The following RBFOX2 variants were observed in gnomAD, a reference collection of about 807,000 sequenced individuals.
RBFOX2 encodes RNA binding fox-1 homolog 2, also known as RNA binding protein fox-1 homolog 2.
In RBFOX2, 10 loss-of-function variants were observed where a neutral mutation model predicts 49.1. The observed-to-expected ratio is 0.20, with a 90% CI of 0.13 to 0.35. The LOEUF (loss-of-function observed/expected upper bound fraction) is 0.35. Ranked by LOEUF, RBFOX2 falls within the 10% of genes least tolerant of loss-of-function variation. The probability of loss-of-function intolerance (pLI) is 1.00; values close to 1 mark genes in which losing one functional copy is unlikely to be tolerated. For synonymous variants in RBFOX2, 183 were observed against 187.4 expected (o/e 0.98, Z 0.19); for missense variants, 323 against 486.9 (o/e 0.66, Z 3.17).
chr22:35,881,570 A>C (rs2045900801), intron 1 of RBFOX2, among the ~76,000 whole-genome samples: 1 of 151,224 alleles, frequency 6.6e-6, no homozygotes, highest in Non-Finnish European at 1.5e-5. Context: ...CAACAGAATG[A>C]GACTCTGTCT....
intron 1 of RBFOX2, among the ~76,000 whole-genome samples, chr22:35,837,278 T>A (rs2148789318): frequency 6.6e-6 from 1 of 152,262 alleles, no homozygotes; most frequent in Non-Finnish European, 1.5e-5. Flanking sequence ...AGCTGAGCAA[T>A]GGAAACTGGG....
In RBFOX2 at chr22:35,827,978, A is replaced by C. The variant is rs554372147; in HGVS notation, c.27+12214T>G. On this transcript the variant is annotated intron_variant, in intron 1 of 11. Transcript: ENST00000405409. ...GGTCAGGAGTTCGACCTGGCCAACAAGGTGAAACCCCATCTCTACTAAAAA... is the reference window on the plus strand; with the variant it reads ...GGTCAGGAGTTCGACCTGGCCAACACGGTGAAACCCCATCTCTACTAAAAA... Among the ~76,000 whole-genome samples, 7 of 152,020 alleles carry C rather than the reference A, an allele frequency of 4.6e-5. No homozygotes were observed. The East Asian group carries it at 1.2e-3, about 25-fold the overall frequency.
chr22:35,772,311 A>G lies in RBFOX2; in HGVS notation c.454-3962T>C, dbSNP rs1226313349. 2.6e-5 allele frequency among the ~76,000 whole-genome samples: 4 copies of G among 152,284 alleles called. No homozygotes were observed. The South Asian group carries it at 8.3e-4, about 32-fold the overall frequency. The stretch of plus-strand genomic sequence containing the variant: ...ATACAAACCACATATATAATTTAAA[A>G]TTTTCTAATAACCACATTTAAAAAG... On this transcript the variant is annotated intron_variant, in intron 4 of 11. Transcript: ENST00000405409.
intron 2 of RBFOX2, among the ~76,000 whole-genome samples, chr22:35,786,398 T>C (rs1390596626): frequency 3.3e-5 from 5 of 152,224 alleles, no homozygotes; most frequent in Non-Finnish European, 7.3e-5. Flanking sequence ...TCTGATCTAA[T>C]GCAATTTTTA....
In RBFOX2 at chr22:35,946,686, G is replaced by A. The variant is rs528249743; in HGVS notation, c.43-7789C>T. ...TAGCTTCCTCTACATCAGCTATTTA[G>A]GAATATGTGCTAAATGGCCATTCTG... On this transcript the variant is annotated intron_variant, in intron 1 of 5. Transcript: ENST00000408983. 1.2e-4 allele frequency among the ~76,000 whole-genome samples: 18 copies of A among 152,250 alleles called. 1 individual carries two copies. In the South Asian group the frequency reaches 3.5e-3, roughly 30 times the overall value.
chr22:35,798,330 T>G (rs1949151668), intron 2 of RBFOX2, among the ~76,000 whole-genome samples: 1 of 152,224 alleles, frequency 6.6e-6, no homozygotes, highest in Non-Finnish European at 1.5e-5. Flanking sequence ...GGGCTTTATT[T>G]TACCTTTTTA....
intron 1 of RBFOX2, among the ~76,000 whole-genome samples, chr22:35,975,217 C>A (rs2057087481): frequency 6.6e-6 from 1 of 152,054 alleles, no homozygotes; most frequent in South Asian, 2.1e-4. Flanking sequence ...AATTTCTGCA[C>A]CTATCTTGTA....
chr22:35,887,796 C>T (rs975906848), intron 1 of RBFOX2, among the ~76,000 whole-genome samples: 1 of 152,154 alleles, frequency 6.6e-6, no homozygotes, highest in Non-Finnish European at 1.5e-5. Context: ...TATTTTTCCA[C>T]CACCTCACCT....
chr22:35,777,932 G>A, intron 4 of RBFOX2, 93 bp downstream of exon 5: 1 of 1,314,472 alleles, frequency 7.6e-7, no homozygotes. Context: ...ATGCAGGCTT[G>A]AAAACAGCTT....
intron 1 of RBFOX2, among the ~76,000 whole-genome samples, chr22:35,861,639 G>C (rs1203421764): frequency 6.6e-6 from 1 of 152,176 alleles, no homozygotes; most frequent in Non-Finnish European, 1.5e-5. Context: ...ACAATACCAA[G>C]CTTTGGCAAG....
intron 1 of RBFOX2, among the ~76,000 whole-genome samples, chr22:35,835,605 A>G (rs536914815): frequency 7.2e-5 from 11 of 152,294 alleles, no homozygotes; most frequent in African/African-American, 2.6e-4. Flanking sequence ...AATTTAAGTA[A>G]TAGGTTGTCA....
upstream of RBFOX2, chr22:35,840,671 T>G (rs5755961): frequency 0.15 from 147,670 of 986,242 alleles, 15,259 homozygotes; most frequent in African/African-American, 0.51. Flanking sequence ...GGGGAGGAGG[T>G]AGGGAGGGGC....
chr22:35,845,679 T>A (rs922649930), intron 1 of RBFOX2, among the ~76,000 whole-genome samples: 2 of 152,144 alleles, frequency 1.3e-5, no homozygotes, highest in African/African-American at 2.4e-5. Context: ...ATTGTACACA[T>A]CCCTGTGAGG....
At chr22:35,897,472 G>T in intron 1 of RBFOX2, 4 of 827,540 alleles carry the variant, frequency 4.8e-6, no homozygotes, top group South Asian at 4.0e-5. Flanking sequence ...GACTCAAATG[G>T]GCTTATTTCA....
intron 1 of RBFOX2, among the ~76,000 whole-genome samples, chr22:35,875,444 C>T (rs1049058355): frequency 9.2e-5 from 14 of 152,138 alleles, no homozygotes; most frequent in Admixed American, 9.2e-4. Flanking sequence ...TTCCAGGTTA[C>T]ATTTCTAAAG....
chr22:35,765,512 G>C (rs760086630), intron 5 of RBFOX2, 29 bp from the exon 7 acceptor site: 8 of 1,414,530 alleles, frequency 5.7e-6, no homozygotes, highest in Admixed American at 5.5e-5. Context: ...AAAAAGGGCA[G>C]GGAAGAAGTG....
At chr22:35,908,731 G>A (rs1253489832) in intron 1 of RBFOX2, among the ~76,000 whole-genome samples, 3 of 151,916 alleles carry the variant, frequency 2.0e-5, no homozygotes, top group Admixed American at 1.3e-4. Flanking sequence ...TGGTAAATAT[G>A]AGTCACAAAA....
chr22:35,885,707 T>C (rs1279350588), intron 1 of RBFOX2, among the ~76,000 whole-genome samples: 1 of 151,960 alleles, frequency 6.6e-6, no homozygotes, highest in African/African-American at 2.4e-5. Context: ...CTTCTGACTC[T>C]TACCTCCCTC....
chr22:35,783,544 G>C (rs1475286590), intron 2 of RBFOX2, among the ~76,000 whole-genome samples: 1 of 151,926 alleles, frequency 6.6e-6, no homozygotes, highest in African/African-American at 2.4e-5. Context: ...AAGCGAGTTT[G>C]GGGGGGCACA....
Sources: gnomAD v4.1 joint callset for allele counts (sites outside exome capture counted in the v4.1 genomes callset) on GRCh38, gnomAD v4.1.1 for gene constraint, MANE v1.5 for transcripts, NCBI Gene and HGNC (gene_info 2026-07-23, HGNC 2026-07-21) for gene names.